The following ASB3 variants were observed in gnomAD, a reference collection of about 807,000 sequenced individuals.
The protein encoded by ASB3 is ankyrin repeat and SOCS box protein 3.
In ASB3, 41 loss-of-function variants were observed where a neutral mutation model predicts 54.5. The ratio of observed to expected loss-of-function variants is 0.75; its 90% CI spans 0.59 to 0.98. The LOEUF (loss-of-function observed/expected upper bound fraction) is 0.98, where lower values mean the gene tolerates loss of function less well. ASB3 is among the 50% of genes least tolerant of loss of function. ASB3 has a pLI of 0.00. For synonymous variants in ASB3, 266 were observed against 221.2 expected (o/e 1.20, Z -1.80); for missense variants, 733 against 620.0 (o/e 1.18, Z -1.94).
intron 9 of ASB3, among the ~76,000 whole-genome samples, chr2:53,673,790 A>T (rs1287250284): frequency 2.6e-5 from 4 of 152,242 alleles, no homozygotes; most frequent in African/African-American, 9.6e-5. Flanking sequence ...GGAAAAGTAT[A>T]GCTACTTCAG....
At chr2:53,722,581 G>GTT (rs1670770974) in intron 5 of ASB3, among the ~76,000 whole-genome samples, 1 of 152,078 alleles carries the variant, frequency 6.6e-6, no homozygotes, top group South Asian at 2.1e-4. Context: ...AAAACTATAT[G>GTT]ATCATCTCAA....
At chr2:53,703,162 C>T (rs371344341) in intron 7 of ASB3, among the ~76,000 whole-genome samples, 21 of 152,320 alleles carry the variant, frequency 1.4e-4, no homozygotes, top group African/African-American at 4.3e-4. Flanking sequence ...TCTCAACTTC[C>T]CTCTTCCTTT....
intron 1 of ASB3, among the ~76,000 whole-genome samples, chr2:53,777,738 A>G (rs1037391446): frequency 6.6e-6 from 1 of 152,244 alleles, no homozygotes; most frequent in Admixed American, 6.5e-5. Flanking sequence ...ATCAATTTAT[A>G]AGCTTTTGGA....
chr2:53,772,460 C>T (rs1674008805), intron 1 of ASB3, among the ~76,000 whole-genome samples: 1 of 152,050 alleles, frequency 6.6e-6, no homozygotes, highest in Non-Finnish European at 1.5e-5. Context: ...AGGCATGAGC[C>T]ACCGCGCCCA....
intron 1 of ASB3, among the ~76,000 whole-genome samples, chr2:53,770,318 A>G (rs1457229065): frequency 1.3e-5 from 2 of 152,172 alleles, no homozygotes; most frequent in Non-Finnish European, 2.9e-5. Flanking sequence ...CGAACAGATG[A>G]AGACTAAAAG....
chr2:53,733,550 T>A (rs576312203), intron 3 of ASB3, among the ~76,000 whole-genome samples: 136 of 152,186 alleles, frequency 8.9e-4, no homozygotes, highest in Non-Finnish European at 1.3e-3. Context: ...CAAGCGGTTC[T>A]CCTGCGTCAG....
At chr2:53,737,129 G>C (rs907491003) in intron 3 of ASB3, among the ~76,000 whole-genome samples, 3 of 152,164 alleles carry the variant, frequency 2.0e-5, no homozygotes, top group East Asian at 1.9e-4. Flanking sequence ...ACAATCATAA[G>C]AGTGGACAAA....
At chr2:53,770,523 A>T in intron 1 of ASB3, among the ~76,000 whole-genome samples, 1 of 131,490 alleles carries the variant, frequency 7.6e-6, no homozygotes, top group African/African-American at 2.9e-5. Flanking sequence ...AAAAAAAAAA[A>T]GCTTGCAGGC....
At chr2:53,746,563 C>A (rs1383232094) in intron 3 of ASB3, among the ~76,000 whole-genome samples, 1 of 151,072 alleles carries the variant, frequency 6.6e-6, no homozygotes, top group Non-Finnish European at 1.5e-5. Context: ...CTGCAATGTC[C>A]GCCCTCCCGG....
chr2:53,734,350 C>G (rs1402672218), intron 3 of ASB3, among the ~76,000 whole-genome samples: 1 of 152,132 alleles, frequency 6.6e-6, no homozygotes, highest in Non-Finnish European at 1.5e-5. Flanking sequence ...AAAAATAAAA[C>G]AAACAAACAA....
chr2:53,758,806 C>T (rs1430026282), intron 2 of ASB3, among the ~76,000 whole-genome samples: 1 of 152,170 alleles, frequency 6.6e-6, no homozygotes, highest in Admixed American at 6.5e-5. Flanking sequence ...GAGGTGCTGG[C>T]ATCCCTATGT....
intron 9 of ASB3, among the ~76,000 whole-genome samples, chr2:53,686,194 G>A (rs146151017): frequency 1.3e-5 from 2 of 152,296 alleles, no homozygotes; most frequent in African/African-American, 2.4e-5. Flanking sequence ...TGGGCAAAAT[G>A]AGAGCTCTCG....
At chr2:53,754,431 T>A (rs965068868) in intron 2 of ASB3, among the ~76,000 whole-genome samples, 1 of 152,168 alleles carries the variant, frequency 6.6e-6, no homozygotes, top group South Asian at 2.1e-4. Context: ...TGTGATTATA[T>A]ATGAAGTAAA....
intron 2 of ASB3, among the ~76,000 whole-genome samples, chr2:53,757,359 G>T (rs558117958): frequency 1.2e-4 from 19 of 152,302 alleles, no homozygotes; most frequent in Admixed American, 5.2e-4. Flanking sequence ...TCCTGGGGAG[G>T]CCGAGGGCCG....
intron 7 of ASB3, among the ~76,000 whole-genome samples, chr2:53,709,990 C>T (rs753712968): frequency 1.5e-4 from 23 of 152,226 alleles, no homozygotes; most frequent in Non-Finnish European, 2.8e-4. Flanking sequence ...CCTGCCAACA[C>T]CCAGCCATAT....
chr2:53,782,194 CA>C (rs1304914005), intron 1 of ASB3, among the ~76,000 whole-genome samples: 1 of 151,864 alleles, frequency 6.6e-6, no homozygotes, highest in South Asian at 2.1e-4. Flanking sequence ...AACAAACAAA[CA>C]AAAAAACAAT....
At chr2:53,702,056 T>A (rs1021877254) in intron 7 of ASB3, among the ~76,000 whole-genome samples, 1 of 152,286 alleles carries the variant, frequency 6.6e-6, no homozygotes, top group South Asian at 2.1e-4. Flanking sequence ...TTTAATCCCA[T>A]ATAATATCTA....
chr2:53,774,107 T>C lies in ASB3; in HGVS notation c.-13-8522A>G, dbSNP rs548342389. The C allele has an allele frequency of 3.2e-6, 5 of 1,546,392 alleles. No homozygotes were observed. In the South Asian group the frequency reaches 5.1e-5, roughly 16 times the overall value. On this transcript the variant is annotated intron_variant, in intron 1 of 9. Transcript: ENST00000263634. ...TTTCTTCACCTATTTTAATTAGCCT[T>C]ATAATACCAGTGTATTCTTTTCATT...
intron 1 of ASB3, chr2:53,767,841 C>T: frequency 7.7e-6 from 12 of 1,564,168 alleles, no homozygotes; most frequent in Non-Finnish European, 9.5e-6. Context: ...GGCGGCGCGG[C>T]GACAGCTAGG....
Sources: allele counts gnomAD v4.1 joint callset (sites outside exome capture counted in the v4.1 genomes callset), GRCh38; gene constraint gnomAD v4.1.1; transcripts MANE v1.5; gene names NCBI Gene and HGNC (gene_info 2026-07-23, HGNC 2026-07-21).